NOL4: variants seen among roughly 807,000 people sequenced by gnomAD.
The protein encoded by NOL4 is nucleolar protein 4.
A neutral mutation model predicts 75.9 loss-of-function variants in NOL4; 17 were observed. That is an observed-to-expected ratio of 0.22 (90% CI 0.15 to 0.34). The LOEUF (loss-of-function observed/expected upper bound fraction) is 0.34. NOL4 is among the 10% of genes least tolerant of loss of function. The pLI is 1.00. For synonymous variants in NOL4, 292 were observed against 289.9 expected (o/e 1.01, Z -0.07); for missense variants, 614 against 793.5 (o/e 0.77, Z 2.72).
chr18:34,077,123 T>C (rs2077779906), intron 5 of NOL4, among the ~76,000 whole-genome samples: 1 of 152,020 alleles, frequency 6.6e-6, no homozygotes, highest in African/African-American at 2.4e-5. Context: ...CTGGGCAACA[T>C]GGTGAAACCC....
intron 9 of NOL4, among the ~76,000 whole-genome samples, chr18:33,885,338 G>A (rs997708658): frequency 3.9e-5 from 6 of 151,996 alleles, no homozygotes; most frequent in Non-Finnish European, 8.8e-5. Context: ...CACATCAAGT[G>A]AAAACCTTCT....
intron 9 of NOL4, among the ~76,000 whole-genome samples, chr18:33,932,242 T>C (rs193295803): frequency 7.6e-4 from 116 of 152,232 alleles, no homozygotes; most frequent in African/African-American, 2.7e-3. Context: ...ATTGCAGCCA[T>C]ATATAACATT....
chr18:34,106,736 A>C (rs1204681308), intron 2 of NOL4, among the ~76,000 whole-genome samples: 1 of 151,668 alleles, frequency 6.6e-6, no homozygotes, highest in Non-Finnish European at 1.5e-5. Flanking sequence ...TATGAATTTG[A>C]ATCCTATTTT....
intron 2 of NOL4, among the ~76,000 whole-genome samples, chr18:34,116,455 C>A (rs1323462226): frequency 1.3e-5 from 2 of 152,188 alleles, no homozygotes; most frequent in African/African-American, 2.4e-5. Flanking sequence ...GTATTACTAG[C>A]CTTCGCCTTT....
At chr18:33,946,314 G>T (rs760749572) in intron 8 of NOL4, among the ~76,000 whole-genome samples, 2 of 151,412 alleles carry the variant, frequency 1.3e-5, no homozygotes, top group Non-Finnish European at 3.0e-5. Flanking sequence ...AACTCTTATT[G>T]AGTGCTTAGG....
At chr18:34,056,283 G>A in intron 5 of NOL4, among the ~76,000 whole-genome samples, 1 of 152,164 alleles carries the variant, frequency 6.6e-6, no homozygotes, top group Non-Finnish European at 1.5e-5. Flanking sequence ...GATTTGTGCA[G>A]AGAACGGCCT....
Position 33,852,749 on chromosome 18 carries a change from G to T in NOL4, c.*93C>A. 1 of 1,047,656 alleles carries T rather than the reference G, an allele frequency of 9.5e-7. No individual in the cohort carries two copies. The highest frequency in any genetic ancestry group is 1.4e-6 in the Non-Finnish European group (1 of 709,466). The allele number at this position is 1,047,656 out of a possible 1,614,324, so 64.9% of individuals were successfully genotyped here. On this transcript the variant is annotated 3_prime_UTR_variant, in exon 11 of 11. Coordinates refer to ENST00000261592, the MANE Select transcript of NOL4 (RefSeq NM_003787.5). ...GGAAGTATTTCTCTTAAAAGACTGT[G>T]CAGTAAGACCAGAAGTATCTCTGTT... is the stretch of plus-strand genomic sequence containing the variant.
chr18:33,929,155 C>A (rs1008459170), intron 9 of NOL4, among the ~76,000 whole-genome samples: 1 of 152,162 alleles, frequency 6.6e-6, no homozygotes, highest in Non-Finnish European at 1.5e-5. Context: ...CATGTACTTA[C>A]AGTCTACGTA....
In NOL4 at chr18:34,159,203, C is replaced by G. The variant is rs938338196; in HGVS notation, c.265-29183G>C. Among the ~76,000 whole-genome samples the G allele has an allele frequency of 3.9e-5, 6 of 152,314 alleles. No individual in the cohort carries two copies. The East Asian group carries it at 5.8e-4, about 15-fold the overall frequency. ...CCTGTCAGCCTCCTCCTCGCCTCCC[C>G]CGACCTGCAGGCGCGCTAAGCGCTC... On this transcript the variant is annotated intron_variant, in intron 1 of 10. Coordinates refer to ENST00000261592, the MANE Select transcript of NOL4 (RefSeq NM_003787.5).
chr18:34,204,852 G>A (rs1222815867), intron 1 of NOL4, among the ~76,000 whole-genome samples: 2 of 152,028 alleles, frequency 1.3e-5, no homozygotes, highest in Admixed American at 1.3e-4. Flanking sequence ...TCAGAAACTG[G>A]CACATGCATC....
chr18:33,928,935 A>T (rs181588401), intron 9 of NOL4, among the ~76,000 whole-genome samples: 2 of 152,324 alleles, frequency 1.3e-5, no homozygotes, highest in East Asian at 3.9e-4. Flanking sequence ...ATTTTGTAGC[A>T]GTTAATATTC....
chr18:34,198,154 T>A (rs1461067841), intron 1 of NOL4, among the ~76,000 whole-genome samples: 1 of 151,838 alleles, frequency 6.6e-6, no homozygotes, highest in African/African-American at 2.4e-5. Flanking sequence ...TAAAAACAAC[T>A]TGAATTTTTG....
At chr18:34,187,370 CTTTTT>C (rs545524361) in intron 1 of NOL4, among the ~76,000 whole-genome samples, 19,278 of 77,330 alleles carry the variant, frequency 0.25, 1,118 homozygotes, top group East Asian at 0.38. Flanking sequence ...TAGTCCACTT[CTTTTT>C]TTTTTTTTTT....
chr18:34,143,058 C>G (rs760472661), intron 1 of NOL4, among the ~76,000 whole-genome samples: 1 of 139,412 alleles, frequency 7.2e-6, no homozygotes. Flanking sequence ...ATTAATAAAA[C>G]GAGGAGGGAG....
chr18:34,057,066 T>G (rs2076861954), intron 5 of NOL4, among the ~76,000 whole-genome samples: 1 of 152,128 alleles, frequency 6.6e-6, no homozygotes, highest in Non-Finnish European at 1.5e-5. Context: ...AGTCCTGGAG[T>G]GCTTAATGAA....
intron 1 of NOL4, among the ~76,000 whole-genome samples, chr18:34,194,799 TG>T (rs2035203801): frequency 6.6e-6 from 1 of 151,890 alleles, no homozygotes; most frequent in Admixed American, 6.6e-5. Flanking sequence ...CCGAGGTGGG[TG>T]GATCACCTGA....
At chr18:34,166,566 T>C (rs1428337008) in intron 1 of NOL4, among the ~76,000 whole-genome samples, 1 of 152,154 alleles carries the variant, frequency 6.6e-6, no homozygotes, top group African/African-American at 2.4e-5. Context: ...AATGCAATCA[T>C]GTCACTAACA....
chr18:34,015,422 C>T (rs1039544423), intron 6 of NOL4, among the ~76,000 whole-genome samples: 9 of 151,978 alleles, frequency 5.9e-5, no homozygotes, highest in Admixed American at 3.9e-4. Flanking sequence ...ATCTAAGGAT[C>T]GCTTAGTTTA....
At chr18:34,023,288 T>C (rs2075146689) in intron 5 of NOL4, among the ~76,000 whole-genome samples, 1 of 152,186 alleles carries the variant, frequency 6.6e-6, no homozygotes, top group Non-Finnish European at 1.5e-5. Context: ...AATTTTCTAT[T>C]GCTGAGTTTC....
Sources: allele counts gnomAD v4.1 joint callset (sites outside exome capture counted in the v4.1 genomes callset), GRCh38; gene constraint gnomAD v4.1.1; transcripts MANE v1.5; gene names NCBI Gene and HGNC (gene_info 2026-07-23, HGNC 2026-07-21).